CLASP1: variants seen among roughly 807,000 people sequenced by gnomAD.
CLASP1 encodes the protein cytoplasmic linker associated protein 1.
In CLASP1, 38 loss-of-function variants were observed where a neutral mutation model predicts 192.3. That is an observed-to-expected ratio of 0.20 (90% CI 0.15 to 0.26). CLASP1 has a LOEUF of 0.26. Among genes scored for constraint, CLASP1 ranks in the 10% least tolerant of loss-of-function variants. The pLI is 1.00. For missense variants in CLASP1, 1,433 were observed against 1,932.5 expected, an observed-to-expected ratio of 0.74 and a Z score of 4.85; for synonymous variants, 691 against 712.8, an observed-to-expected ratio of 0.97 and a Z score of 0.49.
At chr2:121,538,085 A>G (rs1028761539) in intron 2 of CLASP1, among the ~76,000 whole-genome samples, 12 of 152,190 alleles carry the variant, frequency 7.9e-5, no homozygotes, top group Admixed American at 7.9e-4. Context: ...TCAACATTAT[A>G]TCTACAGTCC....
At chr2:121,381,666 G>GT (rs1342678553) in intron 33 of CLASP1, among the ~76,000 whole-genome samples, 1 of 152,200 alleles carries the variant, frequency 6.6e-6, no homozygotes, top group Non-Finnish European at 1.5e-5. Context: ...TTAGTGAGCT[G>GT]TAACAGTTAT....
Position 121,482,148 on chromosome 2 carries a change from T to C in CLASP1, c.713-12188A>G, listed in dbSNP as rs150372877. On this transcript the variant is annotated intron_variant, in intron 8 of 39. Transcript: ENST00000263710. Reference sequence around the variant, plus strand: ...AACTCAGGAATACCCTGGGCTACCATGCTCAGTGAATATACAGCGAGAGAG... The same window carrying C: ...AACTCAGGAATACCCTGGGCTACCACGCTCAGTGAATATACAGCGAGAGAG... 1.4e-3 allele frequency among the ~76,000 whole-genome samples: 210 copies of C among 152,228 alleles called. 2 individuals are homozygous for C. The highest frequency in any genetic ancestry group is 4.9e-3 in the African/African-American group (205 of 41,534).
At chr2:121,600,323 T>C (rs921111258) in intron 2 of CLASP1, among the ~76,000 whole-genome samples, 3 of 152,200 alleles carry the variant, frequency 2.0e-5, no homozygotes, top group African/African-American at 7.2e-5. Context: ...TATTAAGTAA[T>C]ATAAAATATT....
At chr2:121,359,291 A>T (rs1421804904) in intron 37 of CLASP1, among the ~76,000 whole-genome samples, 1 of 152,202 alleles carries the variant, frequency 6.6e-6, no homozygotes, top group Non-Finnish European at 1.5e-5. Context: ...TTTCATTCTC[A>T]CAGCAGAGCT....
chr2:121,624,081 C>T (rs1389947059), intron 1 of CLASP1, among the ~76,000 whole-genome samples: 4 of 151,982 alleles, frequency 2.6e-5, no homozygotes, highest in African/African-American at 4.8e-5. Context: ...TTGATCTTTG[C>T]ACAGAACCTA....
At chr2:121,550,807 A>AC (rs1448903950) in intron 2 of CLASP1, among the ~76,000 whole-genome samples, 3 of 152,176 alleles carry the variant, frequency 2.0e-5, no homozygotes, top group Non-Finnish European at 4.4e-5. Context: ...AACAGCTGAT[A>AC]CCATTCCTAC....
chr2:121,541,456 G>T (rs2095232074), intron 2 of CLASP1, among the ~76,000 whole-genome samples: 1 of 152,134 alleles, frequency 6.6e-6, no homozygotes, highest in Non-Finnish European at 1.5e-5. Flanking sequence ...TTTGGTAAAT[G>T]ACCAAACTGC....
At chr2:121,565,117 G>T (rs1311786508) in intron 2 of CLASP1, among the ~76,000 whole-genome samples, 1 of 152,106 alleles carries the variant, frequency 6.6e-6, no homozygotes, top group Non-Finnish European at 1.5e-5. Context: ...TATGAATAAG[G>T]TAACCACATA....
At chr2:121,481,090 T>C (rs1025598444) in intron 8 of CLASP1, among the ~76,000 whole-genome samples, 6 of 152,180 alleles carry the variant, frequency 3.9e-5, no homozygotes, top group Non-Finnish European at 7.3e-5. Context: ...ACCCAAAGCA[T>C]CTCTGTACTA....
At chr2:121,360,808 C>T (rs1410667694) in intron 37 of CLASP1, among the ~76,000 whole-genome samples, 1 of 152,186 alleles carries the variant, frequency 6.6e-6, no homozygotes, top group African/African-American at 2.4e-5. Flanking sequence ...TCTCCTCCAC[C>T]AGCTCTACCA....
intron 19 of CLASP1, chr2:121,445,448 C>G: frequency 7.8e-7 from 1 of 1,289,210 alleles, no homozygotes. Context: ...GAGCATGGTA[C>G]CTGAGTCCAG....
chr2:121,609,940 A>G (rs537104833), intron 1 of CLASP1, among the ~76,000 whole-genome samples: 2 of 152,354 alleles, frequency 1.3e-5, no homozygotes, highest in East Asian at 3.9e-4. Flanking sequence ...TTTGTCTCAA[A>G]AAATAAATAA....
At chr2:121,634,770 T>C (rs918190417) in intron 1 of CLASP1, among the ~76,000 whole-genome samples, 3 of 149,676 alleles carry the variant, frequency 2.0e-5, no homozygotes, top group Non-Finnish European at 4.4e-5. Flanking sequence ...ACAGCTCATA[T>C]TGAGAGCATT....
intron 24 of CLASP1, among the ~76,000 whole-genome samples, chr2:121,409,840 C>A (rs1235711593): frequency 6.6e-6 from 1 of 152,200 alleles, no homozygotes; most frequent in Non-Finnish European, 1.5e-5. Context: ...AGAAAAAAGT[C>A]TTTCTATACA....
chr2:121,365,409 T>TTCCCC, intron 35 of CLASP1, 125 bp from the exon 37 acceptor site: 1 of 895,206 alleles, frequency 1.1e-6, no homozygotes, highest in South Asian at 1.6e-5. Flanking sequence ...TCCTTCACGG[T>TTCCCC]TCCCCTCCCA....
intron 8 of CLASP1, chr2:121,490,333 G>A (rs1168129194): frequency 2.2e-6 from 1 of 450,484 alleles, no homozygotes; most frequent in Admixed American, 2.4e-5. Flanking sequence ...TGCTCTGAAA[G>A]CTATACCTAC....
intron 1 of CLASP1, among the ~76,000 whole-genome samples, chr2:121,626,586 T>TTTTG (rs2068416137): frequency 6.6e-6 from 1 of 152,124 alleles, no homozygotes; most frequent in South Asian, 2.1e-4. Flanking sequence ...GATTCCTTTT[T>TTTTG]TTTTGTTTTG....
chr2:121,482,777 C>T (rs533969146), intron 8 of CLASP1, among the ~76,000 whole-genome samples: 1 of 152,176 alleles, frequency 6.6e-6, no homozygotes, highest in Non-Finnish European at 1.5e-5. Flanking sequence ...TCCATAGAAA[C>T]GTCCACCATT....
intron 2 of CLASP1, among the ~76,000 whole-genome samples, chr2:121,549,867 G>A (rs987675723): frequency 5.3e-5 from 8 of 151,842 alleles, no homozygotes; most frequent in South Asian, 2.1e-4. Context: ...TTAGCCAGGC[G>A]TGGTGGCGGG....
Sources: allele counts gnomAD v4.1 joint callset (sites outside exome capture counted in the v4.1 genomes callset), GRCh38; gene constraint gnomAD v4.1.1; transcripts MANE v1.5; gene names NCBI Gene and HGNC (gene_info 2026-07-23, HGNC 2026-07-21).